The following ADAM22 variants were observed in gnomAD, a reference collection of about 807,000 sequenced individuals.
ADAM22 encodes the protein ADAM metallopeptidase domain 22.
ADAM22 carries 65 observed loss-of-function variants against 144.6 expected under a neutral mutation model. The ratio of observed to expected loss-of-function variants is 0.45; its 90% CI spans 0.37 to 0.55. ADAM22 has a LOEUF of 0.55. Among genes scored for constraint, ADAM22 ranks in the 20% least tolerant of loss-of-function variants. The pLI is 0.00. For missense variants in ADAM22, 974 were observed against 1,184.9 expected, an observed-to-expected ratio of 0.82 and a Z score of 2.61; for synonymous variants, 391 against 412.6, an observed-to-expected ratio of 0.95 and a Z score of 0.63.
At position 88,200,290 on chromosome 7, in the gene ADAM22, A is replaced by T. The variant is rs183341421; in HGVS notation, c.*3799A>T. 6.6e-6 allele frequency: 1 copy of T among 152,242 alleles called. No individual in the cohort carries two copies. The highest frequency in any genetic ancestry group is 1.5e-5 in the Non-Finnish European group (1 of 68,050). The allele number at this position is 152,242 out of a possible 1,614,324, so 9.4% of individuals were successfully genotyped here. A position where few individuals can be genotyped will look rare whatever the true frequency, so the allele number is the denominator to read the frequency against. On this transcript the variant is annotated 3_prime_UTR_variant, in exon 32 of 32. Transcript: ENST00000413139. ...ATGTTATTATTTAACACAATAATAA[A>T]TTCTTATCTAAAGAAAAGATTATTT...
intron 3 of ADAM22, among the ~76,000 whole-genome samples, chr7:88,027,263 T>A (rs1468008915): frequency 6.6e-6 from 1 of 152,210 alleles, no homozygotes; most frequent in Non-Finnish European, 1.5e-5. Context: ...TTTGGAAGCA[T>A]TCCCTCCTCC....
At chr7:88,174,869 A>G (rs895287406) in intron 26 of ADAM22, among the ~76,000 whole-genome samples, 1 of 151,888 alleles carries the variant, frequency 6.6e-6, no homozygotes, top group Admixed American at 6.6e-5. Context: ...TCTTTTTTCC[A>G]AACCTTTCTT....
intron 3 of ADAM22, among the ~76,000 whole-genome samples, chr7:88,019,186 A>C (rs990697101): frequency 2.0e-5 from 3 of 152,130 alleles, no homozygotes; most frequent in African/African-American, 7.2e-5. Context: ...AAAATTTAGC[A>C]TGCTAGGCCA....
chr7:87,982,742 T>A (rs1156434001), intron 3 of ADAM22, among the ~76,000 whole-genome samples: 2 of 141,526 alleles, frequency 1.4e-5, no homozygotes, highest in African/African-American at 5.2e-5. Flanking sequence ...TTGCCCAGGC[T>A]GGAGTGCAAT....
In ADAM22 at chr7:88,197,118, CA is replaced by C. The variant is rs1850765003; in HGVS notation, c.*628del. Reference sequence around the variant, plus strand: ...TACAAGGACAATTGTATATATGTAACATTTTTAAAATTTTAAAAAAATGCAG... The same window carrying C: ...TACAAGGACAATTGTATATATGTAACTTTTTAAAATTTTAAAAAAATGCAG... On this transcript the variant is annotated 3_prime_UTR_variant, in exon 32 of 32. Transcript: ENST00000413139. The C allele has an allele frequency of 6.6e-6, 1 of 152,124 alleles. No homozygotes were observed. Among genetic ancestry groups the C allele is most frequent in the Non-Finnish European group, 1.5e-5 (1 of 68,066 alleles). The allele number at this position is 152,124 out of a possible 1,614,324, so 9.4% of individuals were successfully genotyped here.
chr7:87,934,548 C>T lies in ADAM22; in HGVS notation c.83C>T (p.Ala28Val). 1 of 1,606,994 alleles carries T rather than the reference C, an allele frequency of 6.2e-7. No homozygotes were observed. Among genetic ancestry groups the T allele is most frequent in the Non-Finnish European group, 8.5e-7 (1 of 1,179,222 alleles). ...TGCCCTCCGGCGCGCTGCGGCCAGG[C>T]AGGTAAGTTAGCCGTCCTCTGTGCC... ...GTCPPARCGQAGDASLMELEK... is the reference protein window; with the variant it reads ...GTCPPARCGQVGDASLMELEK... The change falls in exon 1 of 32, where the codon GCA (alanine) becomes GTA (valine). Residue 28 changes from alanine to valine, a missense_variant and splice_region_variant. Ala to Val is a moderately conservative substitution (Grantham distance 64). Transcript: ENST00000413139.
At chr7:88,019,622 T>C (rs1417611176) in intron 3 of ADAM22, among the ~76,000 whole-genome samples, 1 of 151,928 alleles carries the variant, frequency 6.6e-6, no homozygotes, top group Admixed American at 6.6e-5. Flanking sequence ...CCAAGGCAGG[T>C]GGATCACCTG....
At chr7:88,038,527 T>A (rs1197543367) in intron 3 of ADAM22, among the ~76,000 whole-genome samples, 1 of 150,652 alleles carries the variant, frequency 6.6e-6, no homozygotes, top group Non-Finnish European at 1.5e-5. Flanking sequence ...CGATCTCGAC[T>A]CACTGCAAGC....
chr7:88,172,181 G>C (rs560892000), intron 26 of ADAM22, among the ~76,000 whole-genome samples: 17 of 151,928 alleles, frequency 1.1e-4, no homozygotes, highest in African/African-American at 2.9e-4. Context: ...ACCCTGTATA[G>C]CATAACCGTA....
intron 3 of ADAM22, among the ~76,000 whole-genome samples, chr7:88,057,690 A>G (rs145211295): frequency 1.8e-3 from 271 of 152,362 alleles, no homozygotes; most frequent in African/African-American, 6.2e-3. Flanking sequence ...AGGTGTGATT[A>G]CTATTAGCTC....
At chr7:88,132,738 C>T in intron 11 of ADAM22, 129 bp from the exon 12 acceptor site, 7 of 657,582 alleles carry the variant, frequency 1.1e-5, no homozygotes, top group South Asian at 7.5e-5. Flanking sequence ...CACATTCTTC[C>T]CTTGCAATGT....
chr7:88,053,281 C>A (rs1258549587), intron 3 of ADAM22, among the ~76,000 whole-genome samples: 4 of 151,438 alleles, frequency 2.6e-5, no homozygotes, highest in African/African-American at 9.7e-5. Flanking sequence ...GCTTGGGCAA[C>A]ATAGCAAGAC....
At chr7:87,991,415 G>A (rs979370986) in intron 3 of ADAM22, among the ~76,000 whole-genome samples, 7 of 141,028 alleles carry the variant, frequency 5.0e-5, no homozygotes, top group South Asian at 2.2e-4. Context: ...GCCGGAATGC[G>A]GAATGTAGTG....
At chr7:88,124,709 G>A (rs1441151049) in intron 7 of ADAM22, among the ~76,000 whole-genome samples, 1 of 151,854 alleles carries the variant, frequency 6.6e-6, no homozygotes, top group African/African-American at 2.4e-5. Flanking sequence ...GTATGCCCAG[G>A]CCATAGCATT....
At chr7:88,184,998 CTA>C (rs1336369556) in intron 29 of ADAM22, among the ~76,000 whole-genome samples, 1 of 152,232 alleles carries the variant, frequency 6.6e-6, no homozygotes, top group Admixed American at 6.5e-5. Context: ...CGCTGTGTGG[CTA>C]TGTTTCACCT....
At chr7:87,995,666 T>TA (rs1791011841) in intron 3 of ADAM22, among the ~76,000 whole-genome samples, 2 of 152,192 alleles carry the variant, frequency 1.3e-5, no homozygotes, top group Admixed American at 1.3e-4. Flanking sequence ...ACTGTGCTTT[T>TA]AGAAGCTCTC....
At chr7:87,936,055 T>G (rs1396482212) in intron 2 of ADAM22, among the ~76,000 whole-genome samples, 1 of 152,254 alleles carries the variant, frequency 6.6e-6, no homozygotes, top group African/African-American at 2.4e-5. Flanking sequence ...ACTGAAGCAA[T>G]GGCAAGCCAA....
intron 3 of ADAM22, among the ~76,000 whole-genome samples, chr7:87,983,462 A>G (rs934844106): frequency 3.3e-5 from 5 of 151,986 alleles, no homozygotes; most frequent in Non-Finnish European, 7.4e-5. Context: ...ATATTTTATA[A>G]TTATTTATTA....
At chr7:88,141,572 T>A (rs559893583) in intron 14 of ADAM22, among the ~76,000 whole-genome samples, 1 of 152,258 alleles carries the variant, frequency 6.6e-6, no homozygotes, top group South Asian at 2.1e-4. Flanking sequence ...TGTAAAACAA[T>A]ATTTAAAAAA....
Sources: gnomAD v4.1 joint callset for allele counts (sites outside exome capture counted in the v4.1 genomes callset) on GRCh38, gnomAD v4.1.1 for gene constraint, MANE v1.5 for transcripts, NCBI Gene and HGNC (gene_info 2026-07-23, HGNC 2026-07-21) for gene names.